SMG6: variants seen among roughly 807,000 people sequenced by gnomAD.
The protein encoded by SMG6 is telomerase-binding protein EST1A.
Under a neutral mutation model 142.2 loss-of-function variants are expected in SMG6, and 66 were observed. The observed-to-expected ratio is 0.46, with a 90% CI of 0.38 to 0.57. The LOEUF (loss-of-function observed/expected upper bound fraction) is 0.57. Among genes scored for constraint, SMG6 ranks in the 20% least tolerant of loss-of-function variants. The pLI is 0.00. For missense variants in SMG6, 1,793 were observed against 1,832.0 expected (o/e 0.98, Z 0.39); for synonymous variants, 779 against 702.4 (o/e 1.11, Z -1.72).
At chr17:2,169,723 G>C (rs1048800282) in intron 13 of SMG6, among the ~76,000 whole-genome samples, 5 of 152,208 alleles carry the variant, frequency 3.3e-5, no homozygotes, top group Non-Finnish European at 7.3e-5. Context: ...TGAAGGTGGG[G>C]TCACATAATG....
At chr17:2,121,180 T>C (rs1031050151) in intron 13 of SMG6, among the ~76,000 whole-genome samples, 2 of 152,206 alleles carry the variant, frequency 1.3e-5, no homozygotes, top group African/African-American at 4.8e-5. Context: ...TGAAAACACA[T>C]GTCCAAAAAC....
Position 2,300,557 on chromosome 17 carries a change from T to A in SMG6, c.196A>T (p.Lys66Ter). ...AATTCCTCACTCCCAGGGGGTTCCT[T>A]GATTTTGGGCTTGTTCCTTAGCCGA... ...LSRLRNKPKI[K>*]EPPGSEEFKD... The change falls in exon 2 of 19, where the codon AAG becomes TAG. Residue 66 changes from lysine (K) to a stop codon, truncating the protein, a stop_gained. Coordinates refer to ENST00000263073, the MANE Select transcript of SMG6 (RefSeq NM_017575.5). LOFTEE classifies it high-confidence loss of function. 1 of 1,614,082 alleles carries A rather than the reference T, an allele frequency of 6.2e-7. No individual in the cohort carries two copies. Among genetic ancestry groups the A allele is most frequent in the Non-Finnish European group, 8.5e-7 (1 of 1,179,956 alleles).
At position 2,066,652 on chromosome 17, in the gene SMG6, T is replaced by TACACACACACACACACACACACACAC. The variant is rs1161956483; in HGVS notation, c.3836-999_3836-974dup. 4.3e-4 allele frequency among the ~76,000 whole-genome samples: 52 copies of TACACACACACACACACACACACACAC among 119,586 alleles called. 2 individuals are homozygous for TACACACACACACACACACACACACAC. Among genetic ancestry groups the TACACACACACACACACACACACACAC allele is most frequent in the Non-Finnish European group, 7.2e-4 (42 of 58,584 alleles). 78.5% of individuals were successfully genotyped at this position (119,586 alleles called of 152,430 possible). A position where few individuals can be genotyped will look rare whatever the true frequency, so the allele number is the denominator to read the frequency against. ...TTTCTGGAAAGGGCCCATGTGGGAA[T>TACACACACACACACACACACACACAC]ACACACACACACACACACACACACA... is the stretch of plus-strand genomic sequence containing the variant. On this transcript the variant is annotated intron_variant, in intron 16 of 18. Transcript: ENST00000263073.
At chr17:2,295,560 G>A (rs757142184) in intron 4 of SMG6, among the ~76,000 whole-genome samples, 5 of 151,972 alleles carry the variant, frequency 3.3e-5, no homozygotes, top group Admixed American at 6.6e-5. Flanking sequence ...CCAATCCAAC[G>A]GACACTTTTT....
rs376009586 is a variant in SMG6, at chr17:2,300,050, G to C, written c.703C>G (p.Arg235Gly). ...GVRETHDDPA[R>G]GRPGSAKRYS... ...CGCTTTGCGGAGCCCGGCCTCCCGC[G>C]GGCTGGGTCGTCGTGGGTTTCCCTC... Residue 235 changes from arginine to glycine, a missense_variant, in exon 2 of 19, where the codon CGC becomes GGC. Coordinates refer to ENST00000263073, the MANE Select transcript of SMG6 (RefSeq NM_017575.5). 6.2e-7 allele frequency: 1 copy of C among 1,614,178 alleles called. No homozygotes were observed. Among genetic ancestry groups the C allele is most frequent in the Non-Finnish European group, 8.5e-7 (1 of 1,180,026 alleles).
At chr17:2,091,855 T>TGTG (rs200610783) in intron 13 of SMG6, among the ~76,000 whole-genome samples, 1 of 143,134 alleles carries the variant, frequency 7.0e-6, no homozygotes, top group African/African-American at 2.9e-5. Flanking sequence ...TGTGTGTGTG[T>TGTG]TTTTTTTTAG....
At chr17:2,267,283 C>A (rs1418535880) in intron 8 of SMG6, among the ~76,000 whole-genome samples, 1 of 152,030 alleles carries the variant, frequency 6.6e-6, no homozygotes, top group African/African-American at 2.4e-5. Flanking sequence ...AGACTCACTG[C>A]AGCCTCAACC....
intron 1 of SMG6, among the ~76,000 whole-genome samples, chr17:2,302,457 C>T (rs958690848): frequency 6.6e-6 from 1 of 152,168 alleles, no homozygotes; most frequent in African/African-American, 2.4e-5. Flanking sequence ...AGGAGAATGG[C>T]GTGAACCCGG....
At position 2,299,428 on chromosome 17, in the gene SMG6, C is replaced by A; in HGVS notation, c.1325G>T (p.Gly442Val). Reference protein sequence around the residue: ...PRLLFGSGSKGSRSWGRGGTT... With the variant: ...PRLLFGSGSKVSRSWGRGGTT... ...GCCTCCACGGCCCCAACTCCGAGAT[C>A]CCTTACTACCAGATCCAAACAAAAG... Residue 442 changes from glycine (G) to valine (V), a missense_variant, in exon 2 of 19, where the codon GGA (glycine) becomes GTA (valine). Coordinates refer to ENST00000263073, the MANE Select transcript of SMG6 (RefSeq NM_017575.5). This position sits in a 1 kb window ranked among gnomAD's most constrained non-coding sequence, Gnocchi z 4.3. The A allele has an allele frequency of 6.2e-7, 1 of 1,614,030 alleles. No individual in the cohort carries two copies. The highest frequency in any genetic ancestry group is 1.1e-5 in the South Asian group (1 of 91,080).
At chr17:2,227,153 G>A (rs1413753572) in intron 10 of SMG6, among the ~76,000 whole-genome samples, 1 of 152,210 alleles carries the variant, frequency 6.6e-6, no homozygotes, top group Non-Finnish European at 1.5e-5. Flanking sequence ...AACCACCACA[G>A]AAAACAGTTT....
intron 10 of SMG6, among the ~76,000 whole-genome samples, chr17:2,198,632 A>G (rs1001692051): frequency 2.0e-5 from 3 of 152,210 alleles, no homozygotes; most frequent in African/African-American, 7.2e-5. Context: ...ACATTTTTAA[A>G]ACAACTTCCT....
Position 2,121,583 on chromosome 17 carries a change from CTGTCTGTGTGTGTG to C in SMG6, c.3358-35696_3358-35683del, listed in dbSNP as rs1259736085. Among the ~76,000 whole-genome samples, 184 of 118,292 alleles carry C rather than the reference CTGTCTGTGTGTGTG, an allele frequency of 1.6e-3. 1 individual carries two copies. Among genetic ancestry groups the C allele is most frequent in the East Asian group, 5.6e-3 (20 of 3,574 alleles). 77.6% of individuals were successfully genotyped at this position (118,292 alleles called of 152,430 possible). A position where few individuals can be genotyped will look rare whatever the true frequency, so the allele number is the denominator to read the frequency against. On this transcript the variant is annotated intron_variant, in intron 13 of 18. Transcript: ENST00000263073. ...CACATATATGTATATATGTACATGT[CTGTCTGTGTGTGTG>C]TGTGTGTGTGTGTGTGTGTGTGTGT...
intron 13 of SMG6, chr17:2,087,360 C>T: frequency 8.3e-7 from 1 of 1,201,296 alleles, no homozygotes. Context: ...AAGTGCGGCA[C>T]ACACCGGTCA....
chr17:2,091,855 T>TG (rs200610783), intron 13 of SMG6, among the ~76,000 whole-genome samples: 2,033 of 143,178 alleles, frequency 0.014, 20 homozygotes, highest in South Asian at 0.034. Flanking sequence ...TGTGTGTGTG[T>TG]TTTTTTTTAG....
chr17:2,113,905 TACCTTTATCAAATGAACAATG>T (rs2069418152), intron 13 of SMG6, among the ~76,000 whole-genome samples: 1 of 152,228 alleles, frequency 6.6e-6, no homozygotes, highest in African/African-American at 2.4e-5. Flanking sequence ...GTCCAATGCC[TACCTTTATCAAATGAACAATG>T]ACCTTCCAAG....
At chr17:2,232,427 A>G (rs72819507) in intron 10 of SMG6, among the ~76,000 whole-genome samples, 1 of 152,246 alleles carries the variant, frequency 6.6e-6, no homozygotes, top group Non-Finnish European at 1.5e-5. Context: ...GGAACCACCT[A>G]TCTCACCACC....
chr17:2,087,192 G>C, intron 13 of SMG6: 2 of 1,290,476 alleles, frequency 1.5e-6, no homozygotes, highest in Non-Finnish European at 2.0e-6. Context: ...GGCAAGAATT[G>C]TAAGGACAAG....
At chr17:2,289,633 C>T (rs2074986636) in intron 6 of SMG6, among the ~76,000 whole-genome samples, 1 of 152,038 alleles carries the variant, frequency 6.6e-6, no homozygotes, top group African/African-American at 2.4e-5. Context: ...AATTTTAAAA[C>T]TGCCAGGTGC....
intron 8 of SMG6, among the ~76,000 whole-genome samples, chr17:2,246,954 TAAAAC>T (rs1214685801): frequency 6.6e-6 from 1 of 151,736 alleles, no homozygotes; most frequent in African/African-American, 2.4e-5. Flanking sequence ...TCTCAAAAAA[TAAAAC>T]AAAACAAAAC....
Sources: allele counts gnomAD v4.1 joint callset (sites outside exome capture counted in the v4.1 genomes callset), GRCh38; gene constraint gnomAD v4.1.1; non-coding constraint Gnocchi (gnomAD v3.1); transcripts MANE v1.5; gene names NCBI Gene and HGNC (gene_info 2026-07-23, HGNC 2026-07-21).